The following DSG3 variants were observed in gnomAD, a reference collection of about 807,000 sequenced individuals.
The protein encoded by DSG3 is desmoglein-3.
In DSG3, 63 loss-of-function variants were observed where a neutral mutation model predicts 85.9. The observed-to-expected ratio is 0.73, with a 90% CI of 0.60 to 0.90. The LOEUF (loss-of-function observed/expected upper bound fraction) is 0.90. Among genes scored for constraint, DSG3 ranks in the 40% least tolerant of loss-of-function variants. The pLI is 0.00. For missense variants in DSG3, 1,220 were observed against 1,219.9 expected (o/e 1.00, Z 0.00); for synonymous variants, 447 against 441.9 (o/e 1.01, Z -0.14).
At chr18:31,456,076 G>A (rs193283451) in intron 1 of DSG3, among the ~76,000 whole-genome samples, 1 of 152,254 alleles carries the variant, frequency 6.6e-6, no homozygotes, top group Admixed American at 6.5e-5. Flanking sequence ...GCTTACCAAT[G>A]TTTCCCAAAG....
intron 3 of DSG3, 32 bp downstream of exon 3, chr18:31,457,156 T>C: frequency 1.3e-6 from 2 of 1,590,598 alleles, no homozygotes; most frequent in Non-Finnish European, 1.7e-6. Context: ...GTATGAGTTT[T>C]TAGAATAAAT....
chr18:31,460,509 G>A (rs779059408), intron 6 of DSG3, among the ~76,000 whole-genome samples: 3 of 152,016 alleles, frequency 2.0e-5, no homozygotes, highest in African/African-American at 4.8e-5. Context: ...CAGGCTACCC[G>A]GTCAGACCCC....
chr18:31,462,905 C>T (rs1239846658), intron 8 of DSG3, among the ~76,000 whole-genome samples: 1 of 152,202 alleles, frequency 6.6e-6, no homozygotes, highest in Non-Finnish European at 1.5e-5. Flanking sequence ...TCTACACTGG[C>T]TATGAAGCTG....
chr18:31,448,878 A>G (rs58711111), intron 1 of DSG3, among the ~76,000 whole-genome samples: 5,530 of 152,096 alleles, frequency 0.036, 331 homozygotes, highest in African/African-American at 0.13. Flanking sequence ...TCAAGAAAGG[A>G]CTTTCTTAGC....
Position 31,469,329 on chromosome 18 carries a change from T to C in DSG3, c.1877T>C (p.Leu626Pro). ...LGPAAIGLLL[L>P]GLLLLLLAPL... ...CCTGCCGCCATCGGCCTGCTGCTCC[T>C]TGGTCTCCTGCTGCTGCTGTGTGAG... The change falls in exon 12 of 16, where the codon CTT (leucine) becomes CCT (proline). Residue 626 changes from leucine to proline, a missense_variant. Physicochemically the swap from Leu to Pro is moderately conservative, Grantham distance 98 (BLOSUM62 -3). Transcript: ENST00000257189. 1.2e-6 allele frequency: 2 copies of C among 1,613,158 alleles called. No homozygotes were observed. Among genetic ancestry groups the C allele is most frequent in the African/African-American group, 1.3e-5 (1 of 75,040 alleles).
At position 31,465,295 on chromosome 18, in the gene DSG3, ATTTT is replaced by A. The variant is rs1174830146; in HGVS notation, c.1272-19_1272-16del. ...ACATTCCACATTTGAAAGAAAACTG[ATTTT>A]TTTAATATTATGAAACAGATATGTC... is the stretch of plus-strand genomic sequence containing the variant. On this transcript the variant is annotated intron_variant, in intron 9 of 15. Coordinates refer to ENST00000257189, the MANE Select transcript of DSG3 (RefSeq NM_001944.3). 4.4e-6 allele frequency: 6 copies of A among 1,370,620 alleles called. No homozygotes were observed. The allele number at this position is 1,370,620 out of a possible 1,614,324, so 84.9% of individuals were successfully genotyped here. A position where few individuals can be genotyped will look rare whatever the true frequency, so the allele number is the denominator to read the frequency against.
intron 11 of DSG3, among the ~76,000 whole-genome samples, chr18:31,467,052 G>C (rs557188435): frequency 6.6e-6 from 1 of 152,184 alleles, no homozygotes; most frequent in Admixed American, 6.5e-5. Flanking sequence ...TTAGAGTCAG[G>C]CATCTAGGTG....
chr18:31,460,289 G>A (rs2144270947), intron 6 of DSG3, among the ~76,000 whole-genome samples: 1 of 152,344 alleles, frequency 6.6e-6, no homozygotes, highest in Admixed American at 6.5e-5. Context: ...CATGGACAAA[G>A]ATTGAACTGC....
Position 31,459,126 on chromosome 18 carries a change from G to T in DSG3, c.466G>T (p.Val156Leu). 1 of 1,613,304 alleles carries T rather than the reference G, an allele frequency of 6.2e-7. No individual in the cohort carries two copies. Among genetic ancestry groups the T allele is most frequent in the Non-Finnish European group, 8.5e-7 (1 of 1,179,900 alleles). ...TTTGGATATTAATGATAATCCTCCA[G>T]TATTTTCACAACAAATTTTCATGGG... is the stretch of plus-strand genomic sequence containing the variant. ...KILDINDNPP[V>L]FSQQIFMGEI... Residue 156 changes from valine (V) to leucine (L), a missense_variant, in exon 5 of 16, where the codon GTA becomes TTA. Transcript: ENST00000257189.
At chr18:31,465,200 AT>A (rs2072810451) in intron 9 of DSG3, 117 bp from the exon 10 acceptor site, 3 of 664,162 alleles carry the variant, frequency 4.5e-6, no homozygotes, top group Non-Finnish European at 2.2e-6. Flanking sequence ...ATAAAAGCAT[AT>A]TTCAATGTGA....
chr18:31,474,470 A>G, intron 15 of DSG3, 66 bp downstream of exon 15: 1 of 1,508,516 alleles, frequency 6.6e-7, no homozygotes. Context: ...TTATTTGATT[A>G]TATACTTCAG....
In DSG3 at chr18:31,476,236, G is replaced by T. The variant is rs765366536; in HGVS notation, c.2976G>T (p.Glu992Asp). ...LRGSHTMLCTEDPCSRLI is the reference protein window; with the variant it reads ...LRGSHTMLCTDDPCSRLI ...GGTCACATACTATGCTCTGTACAGA[G>T]GATCCTTGCTCCCGTCTAATATGAC... The change falls in exon 16 of 16, where the codon GAG becomes GAT. Residue 992 changes from glutamate (E) to aspartate (D), a missense_variant. By Grantham distance (45) the Glu-to-Asp change is conservative. Coordinates refer to ENST00000257189, the MANE Select transcript of DSG3 (RefSeq NM_001944.3). 3 of 1,612,294 alleles carry T rather than the reference G, an allele frequency of 1.9e-6. No individual in the cohort carries two copies.
chr18:31,464,965 CATCTCTACTAAAAAT>C (rs201920053), intron 9 of DSG3, among the ~76,000 whole-genome samples: 3,925 of 151,922 alleles, frequency 0.026, 81 homozygotes, highest in Non-Finnish European at 0.039. Flanking sequence ...GAAGAAACCC[CATCTCTACTAAAAAT>C]ACAAAATTAG....
chr18:31,461,598 A>G (rs1290948904), intron 8 of DSG3, among the ~76,000 whole-genome samples, 186 bp downstream of exon 8: 1 of 152,166 alleles, frequency 6.6e-6, no homozygotes, highest in African/African-American at 2.4e-5. Flanking sequence ...AACATCTTGA[A>G]CTCATTCCAA....
intron 3 of DSG3, among the ~76,000 whole-genome samples, chr18:31,457,569 CTTTCTTTCTTTCTTTCTTCTTTCT>C (rs1275246874): frequency 3.0e-4 from 28 of 93,132 alleles, no homozygotes; most frequent in Admixed American, 2.0e-3. Context: ...TTCTTTCTTT[CTTTCTTTCTTTCTTTCTTCTTTCT>C]TTCTTTCTTT....
intron 12 of DSG3, among the ~76,000 whole-genome samples, chr18:31,470,472 C>T (rs1407391279): frequency 6.6e-6 from 1 of 152,068 alleles, no homozygotes; most frequent in Non-Finnish European, 1.5e-5. Flanking sequence ...TATTATACAC[C>T]ATTTAGTTTA....
In DSG3 at chr18:31,478,197, T is replaced by C. The variant is rs985105977; in HGVS notation, c.*1937T>C. On this transcript the variant is annotated 3_prime_UTR_variant, in exon 16 of 16. Coordinates refer to ENST00000257189, the MANE Select transcript of DSG3 (RefSeq NM_001944.3). ...GCAGCCTGGTAAGTCCTGAGGAGGT[T>C]CCATTGCTCTTCCTGCTGCTGTCCT... The C allele has an allele frequency of 6.6e-6, 1 of 152,260 alleles. No homozygotes were observed. Among genetic ancestry groups the C allele is most frequent in the African/African-American group, 2.4e-5 (1 of 41,456 alleles). 9.4% of individuals were successfully genotyped at this position (152,260 alleles called of 1,614,324 possible). A position where few individuals can be genotyped will look rare whatever the true frequency, so the allele number is the denominator to read the frequency against.
chr18:31,451,629 A>G (rs1167819937), intron 1 of DSG3, among the ~76,000 whole-genome samples: 1 of 152,208 alleles, frequency 6.6e-6, no homozygotes, highest in African/African-American at 2.4e-5. Context: ...AGCACTGCTA[A>G]TATATATAAA....
At chr18:31,448,179 A>C (rs2072690103) in intron 1 of DSG3, among the ~76,000 whole-genome samples, 1 of 152,206 alleles carries the variant, frequency 6.6e-6, no homozygotes, top group South Asian at 2.1e-4. Flanking sequence ...TTAATGAATT[A>C]AGTAATCTTA....
Sources: allele counts gnomAD v4.1 joint callset (sites outside exome capture counted in the v4.1 genomes callset), GRCh38; gene constraint gnomAD v4.1.1; transcripts MANE v1.5; gene names NCBI Gene and HGNC (gene_info 2026-07-23, HGNC 2026-07-21).